The following CMTM8 variants were observed in gnomAD, a reference collection of about 807,000 sequenced individuals.
The protein encoded by CMTM8 is CKLF-like MARVEL transmembrane domain-containing protein 8.
In CMTM8, 12 loss-of-function variants were observed where a neutral mutation model predicts 18.6. The observed-to-expected ratio is 0.65, with a 90% CI of 0.41 to 1.05. CMTM8 has a LOEUF of 1.05. CMTM8 is among the 50% of genes least tolerant of loss of function. The pLI, the probability that CMTM8 is intolerant of heterozygous loss-of-function variation, is 0.00. For missense variants in CMTM8, 217 were observed against 227.2 expected (o/e 0.95, Z 0.29); for synonymous variants, 87 against 90.6 (o/e 0.96, Z 0.23).
At chr3:32,257,485 T>C (rs1340897943) in intron 1 of CMTM8, among the ~76,000 whole-genome samples, 1 of 152,208 alleles carries the variant, frequency 6.6e-6, no homozygotes, top group Non-Finnish European at 1.5e-5. Flanking sequence ...CTCTTTGTAC[T>C]TTGCAAATAG....
chr3:32,338,163 T>C lies in CMTM8; in HGVS notation c.148-19210T>C, dbSNP rs147269583. Among the ~76,000 whole-genome samples, 40 of 152,176 alleles carry C rather than the reference T, an allele frequency of 2.6e-4. No homozygotes were observed. The East Asian group carries it at 7.0e-3, about 27-fold the overall frequency. Reference sequence around the variant, plus strand: ...CACGCCCAGCTAATTTTTGTATTTTTAGCAGAGACGGGGTTTCACCATGTT... The same window carrying C: ...CACGCCCAGCTAATTTTTGTATTTTCAGCAGAGACGGGGTTTCACCATGTT... On this transcript the variant is annotated intron_variant, in intron 1 of 3. Transcript: ENST00000307526.
intron 1 of CMTM8, chr3:32,260,158 G>T: frequency 1.7e-6 from 2 of 1,163,652 alleles, no homozygotes; most frequent in Non-Finnish European, 2.5e-6. Context: ...CCATCCAAAA[G>T]ACCACCACCT....
intron 1 of CMTM8, among the ~76,000 whole-genome samples, chr3:32,283,322 A>T (rs769132020): frequency 4.1e-4 from 63 of 152,314 alleles, no homozygotes; most frequent in Middle Eastern, 3.4e-3. Context: ...TTATCATGTT[A>T]TAACGTGTCA....
chr3:32,335,689 A>G (rs886520971), intron 1 of CMTM8, among the ~76,000 whole-genome samples: 3 of 152,202 alleles, frequency 2.0e-5, no homozygotes, highest in African/African-American at 7.2e-5. Context: ...TGGACTGATC[A>G]TTATGATTTA....
chr3:32,345,958 C>A (rs1250692343), intron 1 of CMTM8, among the ~76,000 whole-genome samples: 1 of 152,176 alleles, frequency 6.6e-6, no homozygotes, highest in African/African-American at 2.4e-5. Context: ...AGTTTGCAAC[C>A]AGCCCAACCA....
chr3:32,344,433 A>G (rs901848088), intron 1 of CMTM8, among the ~76,000 whole-genome samples: 2 of 152,188 alleles, frequency 1.3e-5, no homozygotes, highest in Admixed American at 6.5e-5. Flanking sequence ...TGCCCCACCA[A>G]TAGTGCCTAG....
chr3:32,365,774 G>A (rs1221661710), intron 2 of CMTM8, among the ~76,000 whole-genome samples: 3 of 152,118 alleles, frequency 2.0e-5, no homozygotes, highest in African/African-American at 7.2e-5. Flanking sequence ...TATTGTCCTT[G>A]TAGCTCTCTT....
intron 1 of CMTM8, chr3:32,260,290 T>C (rs1702238193): frequency 5.0e-6 from 4 of 803,884 alleles, no homozygotes; most frequent in Non-Finnish European, 8.1e-6. Context: ...TCAGAGGTCA[T>C]TGGAAAAAAA....
At chr3:32,369,144 A>T (rs1327164496) in intron 3 of CMTM8, among the ~76,000 whole-genome samples, 1 of 139,020 alleles carries the variant, frequency 7.2e-6, no homozygotes, top group Non-Finnish European at 1.6e-5. Context: ...CCCCATCTCT[A>T]CTAAAAATAC....
intron 1 of CMTM8, among the ~76,000 whole-genome samples, chr3:32,295,478 AC>A (rs374574855): frequency 0.097 from 8,764 of 89,988 alleles, 1,039 homozygotes; most frequent in African/African-American, 0.13. Context: ...AAAAAAAAAA[AC>A]AAAACAAAAC....
chr3:32,274,766 T>C (rs535070599), intron 1 of CMTM8, among the ~76,000 whole-genome samples: 1 of 152,330 alleles, frequency 6.6e-6, no homozygotes, highest in East Asian at 1.9e-4. Flanking sequence ...TTCTTTAGTG[T>C]CCTTTAGTCT....
chr3:32,272,197 G>A (rs976051912), intron 1 of CMTM8, among the ~76,000 whole-genome samples: 4 of 152,124 alleles, frequency 2.6e-5, no homozygotes, highest in African/African-American at 7.2e-5. Flanking sequence ...AGTCAAAATT[G>A]CAGATTGCCA....
At chr3:32,347,905 C>G (rs1220186221) in intron 1 of CMTM8, among the ~76,000 whole-genome samples, 1 of 152,156 alleles carries the variant, frequency 6.6e-6, no homozygotes, top group Non-Finnish European at 1.5e-5. Flanking sequence ...TCGAGTCACT[C>G]TGTTCCAGTC....
In CMTM8 at chr3:32,358,992, G is replaced by A. The variant is rs1696868174; in HGVS notation, c.321+1446G>A. On this transcript the variant is annotated intron_variant, in intron 2 of 3. Coordinates refer to ENST00000307526, the MANE Select transcript of CMTM8 (RefSeq NM_178868.5). This position sits in a 1 kb window ranked among gnomAD's most constrained non-coding sequence, Gnocchi z 4.1. Reference sequence around the variant, plus strand: ...CCATTTTGGACAAAGTTGTGTCCTAGGGTGGGTCTTGAAGAAAGTGACTGT... The same window carrying A: ...CCATTTTGGACAAAGTTGTGTCCTAAGGTGGGTCTTGAAGAAAGTGACTGT... 6.6e-6 allele frequency among the ~76,000 whole-genome samples: 1 copy of A among 152,192 alleles called. No homozygotes were observed. Among genetic ancestry groups the A allele is most frequent in the African/African-American group, 2.4e-5 (1 of 41,440 alleles).
chr3:32,337,404 T>C (rs1224338550), intron 1 of CMTM8, among the ~76,000 whole-genome samples: 1 of 152,164 alleles, frequency 6.6e-6, no homozygotes, highest in Non-Finnish European at 1.5e-5. Context: ...AGAGTCTTCT[T>C]TTCACACAGT....
At chr3:32,353,195 T>C (rs1034552482) in intron 1 of CMTM8, among the ~76,000 whole-genome samples, 1 of 152,170 alleles carries the variant, frequency 6.6e-6, no homozygotes, top group Non-Finnish European at 1.5e-5. Flanking sequence ...GGTTTTACCA[T>C]GTTAGCCAGG....
At chr3:32,304,036 G>A (rs549397107) in intron 1 of CMTM8, among the ~76,000 whole-genome samples, 5 of 152,224 alleles carry the variant, frequency 3.3e-5, no homozygotes, top group African/African-American at 7.2e-5. Flanking sequence ...GTCAAGGATC[G>A]ACAGATTTCT....
At chr3:32,293,061 G>A (rs1427722595) in intron 1 of CMTM8, among the ~76,000 whole-genome samples, 1 of 136,586 alleles carries the variant, frequency 7.3e-6, no homozygotes, top group Non-Finnish European at 1.6e-5. Flanking sequence ...TATATGATGT[G>A]TGTATATATG....
intron 2 of CMTM8, among the ~76,000 whole-genome samples, chr3:32,361,290 T>G (rs199908383): frequency 4.9e-4 from 34 of 70,006 alleles, no homozygotes; most frequent in East Asian, 5.2e-4. Flanking sequence ...CTAAGAGTTT[T>G]TTTTTCTTTC....
Sources: allele counts gnomAD v4.1 joint callset (sites outside exome capture counted in the v4.1 genomes callset), GRCh38; gene constraint gnomAD v4.1.1; non-coding constraint Gnocchi (gnomAD v3.1); transcripts MANE v1.5; gene names NCBI Gene and HGNC (gene_info 2026-07-23, HGNC 2026-07-21).